SP140L: variants seen among roughly 807,000 people sequenced by gnomAD.
SP140L encodes the protein nuclear body protein SP140-like protein.
In SP140L, 64 loss-of-function variants were observed where a neutral mutation model predicts 84.3. The observed-to-expected ratio is 0.76, with a 90% CI of 0.62 to 0.94. The LOEUF is 0.94. SP140L is among the 40% of genes least tolerant of loss of function. The probability of loss-of-function intolerance (pLI) is 0.00; values close to 1 mark genes in which losing one functional copy is unlikely to be tolerated. For missense variants in SP140L, 628 were observed against 692.5 expected, an observed-to-expected ratio of 0.91 and a Z score of 1.05; for synonymous variants, 242 against 236.9, an observed-to-expected ratio of 1.02 and a Z score of -0.20.
chr2:230,357,678 A>C, intron 2 of SP140L, 127 bp from the exon 3 acceptor site: 1 of 890,620 alleles, frequency 1.1e-6, no homozygotes, highest in South Asian at 1.8e-5. Flanking sequence ...TCTGGGCTCT[A>C]CTGAGGACCA....
At position 230,327,274 on chromosome 2, in the gene SP140L, C is replaced by T. The variant is rs367775251; in HGVS notation, c.5C>T (p.Ala2Val). Reference sequence around the variant, plus strand: ...GGCAGGGCCTAGGGTGGGACGATGGCAGGTGGGGGCAGCGACCTGAGCACC... The same window carrying T: ...GGCAGGGCCTAGGGTGGGACGATGGTAGGTGGGGGCAGCGACCTGAGCACC... M[A>V]GGGSDLSTRG... Residue 2 changes from alanine to valine, a missense_variant, in exon 1 of 19, where the codon GCA (alanine) becomes GTA (valine). By Grantham distance (64) the Ala-to-Val change is moderately conservative. This residue lies in a region of SP140L where 525 missense variants were observed against 518.4 expected (regional missense o/e 1.01). Transcript: ENST00000415673. 6.2e-7 allele frequency: 1 copy of T among 1,611,406 alleles called. No homozygotes were observed. Among genetic ancestry groups the T allele is most frequent in the Non-Finnish European group, 8.5e-7 (1 of 1,178,820 alleles).
Position 230,397,547 on chromosome 2 carries a change from C to T in SP140L, c.1197+749C>T, listed in dbSNP as rs558641968. Among the ~76,000 whole-genome samples the T allele has an allele frequency of 8.5e-5, 13 of 152,298 alleles. No individual in the cohort carries two copies. In the South Asian group the frequency reaches 2.3e-3, roughly 27 times the overall value. Reference sequence around the variant, plus strand: ...ATATGACTGCCTGCTTTGGGTTCTGCTGAAATCATGGATGAGTTCTTTCTT... The same window carrying T: ...ATATGACTGCCTGCTTTGGGTTCTGTTGAAATCATGGATGAGTTCTTTCTT... On this transcript the variant is annotated intron_variant, in intron 14 of 18. Transcript: ENST00000415673.
intron 15 of SP140L, 32 bp downstream of exon 15, chr2:230,400,274 C>G: frequency 6.2e-7 from 1 of 1,603,912 alleles, no homozygotes; most frequent in African/African-American, 1.3e-5. Context: ...CTCTTTCATC[C>G]TTTAAGGGAC....
At chr2:230,390,264 G>A (rs1208220739) in intron 11 of SP140L, among the ~76,000 whole-genome samples, 3 of 152,038 alleles carry the variant, frequency 2.0e-5, no homozygotes, top group African/African-American at 4.8e-5. Context: ...AGGCAGGAAC[G>A]TCAATTCACA....
Position 230,388,743 on chromosome 2 carries a change from TACTA to T in SP140L, c.859+115_859+118del, listed in dbSNP as rs540799803. ...TTTCTTTAATTGTTTTATGAAGCTATACTAACTATTGAAAAACATATCTTATTAA... is the reference window on the plus strand; with the variant it reads ...TTTCTTTAATTGTTTTATGAAGCTATACTATTGAAAAACATATCTTATTAA... On this transcript the variant is annotated intron_variant, in intron 10 of 18. Coordinates refer to ENST00000415673, the MANE Select transcript of SP140L (RefSeq NM_138402.6). The T allele has an allele frequency of 2.0e-4, 175 of 873,968 alleles. No individual in the cohort carries two copies. The African/African-American group carries it at 2.4e-3, about 12-fold the overall frequency. 54.1% of individuals were successfully genotyped at this position (873,968 alleles called of 1,614,324 possible).
chr2:230,331,570 A>G (rs899805950), intron 2 of SP140L, among the ~76,000 whole-genome samples: 20 of 152,240 alleles, frequency 1.3e-4, no homozygotes, highest in African/African-American at 3.9e-4. Flanking sequence ...GAGACACTAA[A>G]TGAATAGATA....
At chr2:230,344,981 G>C (rs1006822495) in intron 2 of SP140L, among the ~76,000 whole-genome samples, 8 of 152,138 alleles carry the variant, frequency 5.3e-5, no homozygotes, top group African/African-American at 1.9e-4. Flanking sequence ...TTTTGCTGCT[G>C]TTCAGTGAAA....
chr2:230,359,006 G>A lies in SP140L; in HGVS notation c.313G>A (p.Val105Met), dbSNP rs1166754659. 16 of 1,611,900 alleles carry A rather than the reference G, an allele frequency of 9.9e-6. No individual in the cohort carries two copies. The highest frequency in any genetic ancestry group is 1.2e-5 in the Non-Finnish European group (14 of 1,179,270). ...SCRNLVPVQR[V>M]VYNVLSELEK... The stretch of plus-strand genomic sequence containing the variant: ...TAGAAACCTGGTCCCTGTACAAAGA[G>A]TGGTGTACAATGTTCTCAGTGAACT... Residue 105 changes from valine to methionine, a missense_variant, in exon 4 of 19, where the codon GTG becomes ATG. Transcript: ENST00000415673.
chr2:230,334,781 A>C (rs1054021582), intron 2 of SP140L, among the ~76,000 whole-genome samples: 1 of 152,096 alleles, frequency 6.6e-6, no homozygotes, highest in African/African-American at 2.4e-5. Flanking sequence ...GATTGCTAAA[A>C]ATTGTCCATT....
At chr2:230,373,532 A>G (rs1678247540) in intron 7 of SP140L, among the ~76,000 whole-genome samples, 1 of 152,230 alleles carries the variant, frequency 6.6e-6, no homozygotes, top group Admixed American at 6.5e-5. Context: ...ATCTGTTTAC[A>G]GCATGGTTTA....
intron 2 of SP140L, among the ~76,000 whole-genome samples, chr2:230,354,857 GAAA>G (rs2060477763): frequency 1.3e-5 from 1 of 74,976 alleles, no homozygotes; most frequent in African/African-American, 4.8e-5. Context: ...AGGAAAGAAA[GAAA>G]GAAAGAAAGA....
intron 7 of SP140L, chr2:230,372,744 AAAAG>A (rs1553622079): frequency 3.1e-5 from 4 of 130,446 alleles, no homozygotes; most frequent in African/African-American, 5.6e-5. Flanking sequence ...AAAAAAAAAA[AAAAG>A]AAAGAGTCAC....
Position 230,392,219 on chromosome 2 carries a change from G to A in SP140L, c.1097G>A (p.Arg366Gln), listed in dbSNP as rs115755837. The A allele has an allele frequency of 1.2e-3, 1,898 of 1,613,876 alleles. 14 individuals are homozygous for A. The African/African-American group carries it at 0.021, about 18-fold the overall frequency. ...SVRCGGWPLR[R>Q]LMEEGSLPNP... ...CGCTGTGGCGGGTGGCCCCTACGAC[G>A]GCTGATGGAGGTATTCCAATGACAA... The change falls in exon 12 of 19, where the codon CGG becomes CAG. Residue 366 changes from arginine to glutamine, a missense_variant. Arg to Gln is a conservative substitution (Grantham distance 43, BLOSUM62 1). Transcript: ENST00000415673.
At chr2:230,400,728 C>T (rs3731729) in intron 15 of SP140L, 159,856 of 994,410 alleles carry the variant, frequency 0.16, 14,622 homozygotes, top group South Asian at 0.34. Flanking sequence ...TCCCCACTCA[C>T]GGTGACACCA....
Position 230,371,659 on chromosome 2 carries a change from T to G in SP140L, c.637+8T>G. On this transcript the variant is annotated splice_region_variant and intron_variant, in intron 7 of 18. Transcript: ENST00000415673. The stretch of plus-strand genomic sequence containing the variant: ...AACCCAAGAGGAAAAGAAGTAAGAA[T>G]AAATAAGAATTTACTTGCTTTTGAT... 1 of 1,586,986 alleles carries G rather than the reference T, an allele frequency of 6.3e-7. No homozygotes were observed.
intron 2 of SP140L, among the ~76,000 whole-genome samples, chr2:230,350,112 C>G (rs772256087): frequency 7.2e-5 from 11 of 152,314 alleles, no homozygotes; most frequent in Non-Finnish European, 1.0e-4. Flanking sequence ...AAAGAAAGAT[C>G]TGAAGGGATC....
intron 2 of SP140L, among the ~76,000 whole-genome samples, chr2:230,337,011 T>A (rs1575431839): frequency 6.6e-6 from 1 of 152,310 alleles, no homozygotes; most frequent in East Asian, 1.9e-4. Flanking sequence ...ACTAGGTAAT[T>A]TATAAAGAAA....
chr2:230,383,444 C>T, intron 7 of SP140L, 66 bp from the exon 8 acceptor site: 1 of 1,478,002 alleles, frequency 6.8e-7, no homozygotes, highest in South Asian at 1.3e-5. Context: ...ATACTACTAG[C>T]ATATAAAGCT....
intron 13 of SP140L, among the ~76,000 whole-genome samples, chr2:230,395,502 C>A (rs923892316): frequency 6.6e-6 from 1 of 152,096 alleles, no homozygotes; most frequent in African/African-American, 2.4e-5. Context: ...ATCACTCAAG[C>A]CTGGGAGGTC....
Sources: gnomAD v4.1 joint callset for allele counts (sites outside exome capture counted in the v4.1 genomes callset) on GRCh38, gnomAD v4.1.1 for gene constraint, gnomAD v4.1.1 regional missense constraint, MANE v1.5 for transcripts, NCBI Gene and HGNC (gene_info 2026-07-23, HGNC 2026-07-21) for gene names.